The following SGCZ variants were observed in gnomAD, a reference collection of about 807,000 sequenced individuals.
SGCZ encodes the protein zeta-sarcoglycan.
In SGCZ, 40 loss-of-function variants were observed where a neutral mutation model predicts 41.3. That is an observed-to-expected ratio of 0.97 (90% CI 0.75 to 1.26). The LOEUF (loss-of-function observed/expected upper bound fraction) is 1.26, where lower values mean the gene tolerates loss of function less well. SGCZ is among the 50% of genes most tolerant of loss of function. The pLI is 0.00. For synonymous variants in SGCZ, 206 were observed against 137.5 expected, an observed-to-expected ratio of 1.50 and a Z score of -3.49; for missense variants, 552 against 369.8, an observed-to-expected ratio of 1.49 and a Z score of -4.04.
intron 2 of SGCZ, among the ~76,000 whole-genome samples, chr8:14,491,345 T>A (rs962446967): frequency 6.8e-6 from 1 of 146,290 alleles, no homozygotes; most frequent in Non-Finnish European, 1.5e-5. Flanking sequence ...ACATCACACA[T>A]CAGGGATCTC....
At chr8:14,874,197 GTT>G (rs1174575882) in intron 1 of SGCZ, among the ~76,000 whole-genome samples, 1 of 152,092 alleles carries the variant, frequency 6.6e-6, no homozygotes, top group African/African-American at 2.4e-5. Flanking sequence ...GGACTACTTA[GTT>G]CTCTCTGGAA....
At chr8:14,765,043 G>A (rs1016316233) in intron 1 of SGCZ, among the ~76,000 whole-genome samples, 5 of 152,096 alleles carry the variant, frequency 3.3e-5, no homozygotes, top group Admixed American at 2.0e-4. Context: ...TATGTAAAAT[G>A]CCTAGAAATA....
At chr8:14,956,403 T>G (rs144839295) in intron 1 of SGCZ, among the ~76,000 whole-genome samples, 41 of 152,276 alleles carry the variant, frequency 2.7e-4, no homozygotes, top group African/African-American at 9.4e-4. Context: ...CCCAATAATC[T>G]GCAATCTCAG....
intron 1 of SGCZ, among the ~76,000 whole-genome samples, chr8:15,042,655 C>A (rs1014912726): frequency 6.6e-6 from 1 of 152,178 alleles, no homozygotes; most frequent in Admixed American, 6.5e-5. Flanking sequence ...ACTATACATT[C>A]TGCCATCTAA....
chr8:14,734,670 A>G (rs2130252847), intron 1 of SGCZ, among the ~76,000 whole-genome samples: 1 of 152,302 alleles, frequency 6.6e-6, no homozygotes, highest in South Asian at 2.1e-4. Context: ...TGCTGTGTCT[A>G]TATCACCACC....
At chr8:14,492,609 C>T (rs757130545) in intron 2 of SGCZ, among the ~76,000 whole-genome samples, 1 of 152,174 alleles carries the variant, frequency 6.6e-6, no homozygotes, top group Non-Finnish European at 1.5e-5. Flanking sequence ...TCTCTATCTG[C>T]TCAAATTTCT....
In SGCZ at chr8:14,692,297, C is replaced by A. The variant is rs114551243; in HGVS notation, c.40-137371G>T. ...ATTGTCAAATGAGCCAAGAGAGAAGCATAATTATAGATATTGTTTAGGAAG... is the reference window on the plus strand; with the variant it reads ...ATTGTCAAATGAGCCAAGAGAGAAGAATAATTATAGATATTGTTTAGGAAG... On this transcript the variant is annotated intron_variant, in intron 1 of 7. Transcript: ENST00000382080. 2.1e-3 allele frequency among the ~76,000 whole-genome samples: 325 copies of A among 151,894 alleles called. 1 individual carries two copies. Among genetic ancestry groups the A allele is most frequent in the Middle Eastern group, 6.8e-3 (2 of 294 alleles).
At chr8:14,806,240 C>A (rs1801522535) in intron 1 of SGCZ, among the ~76,000 whole-genome samples, 1 of 151,070 alleles carries the variant, frequency 6.6e-6, no homozygotes, top group African/African-American at 2.5e-5. Context: ...CAGAGCAGAA[C>A]TGAAGGAAAT....
At chr8:14,801,649 T>C (rs769475953) in intron 1 of SGCZ, among the ~76,000 whole-genome samples, 1 of 152,178 alleles carries the variant, frequency 6.6e-6, no homozygotes, top group African/African-American at 2.4e-5. Context: ...GAAATTATTA[T>C]AGACTTGCAT....
intron 2 of SGCZ, among the ~76,000 whole-genome samples, chr8:14,419,247 A>G (rs1055038723): frequency 6.6e-6 from 1 of 151,994 alleles, no homozygotes; most frequent in Non-Finnish European, 1.5e-5. Context: ...GGCAACATCC[A>G]TATCTGGGTT....
intron 1 of SGCZ, among the ~76,000 whole-genome samples, chr8:14,742,313 T>A (rs2244348): frequency 6.0e-4 from 91 of 151,832 alleles, no homozygotes; most frequent in East Asian, 2.3e-3. Context: ...GCACGCGCGC[T>A]CACACACACA....
At chr8:14,658,615 G>T (rs567675718) in intron 1 of SGCZ, among the ~76,000 whole-genome samples, 2 of 152,234 alleles carry the variant, frequency 1.3e-5, no homozygotes, top group Admixed American at 6.5e-5. Flanking sequence ...CTTGAGTCCT[G>T]CTCTCTGTCC....
rs1012847362 is a variant in SGCZ, at chr8:15,121,078, C to T, written c.39+116507G>A. Among the ~76,000 whole-genome samples the T allele has an allele frequency of 3.4e-4, 51 of 152,124 alleles. 1 individual carries two copies. Among genetic ancestry groups the T allele is most frequent in the Admixed American group, 3.3e-3 (51 of 15,274 alleles). Reference sequence around the variant, plus strand: ...CTTCTTCATTTTTTCTTTGCGTTGCCACAATGATTTTGTAATGAAAATATA... The same window carrying T: ...CTTCTTCATTTTTTCTTTGCGTTGCTACAATGATTTTGTAATGAAAATATA... On this transcript the variant is annotated intron_variant, in intron 1 of 7. Coordinates refer to ENST00000382080, the MANE Select transcript of SGCZ (RefSeq NM_139167.4).
At chr8:14,181,988 AC>A (rs1804743328) in intron 4 of SGCZ, among the ~76,000 whole-genome samples, 3 of 152,268 alleles carry the variant, frequency 2.0e-5, no homozygotes, top group South Asian at 4.1e-4. Context: ...TTGGTTACAT[AC>A]CTAACCTCAA....
chr8:14,313,313 A>T (rs781509643), intron 3 of SGCZ, among the ~76,000 whole-genome samples: 17 of 152,088 alleles, frequency 1.1e-4, no homozygotes, highest in Non-Finnish European at 2.4e-4. Flanking sequence ...CTGATTTTTT[A>T]AATTAATTAA....
At chr8:15,018,231 T>G (rs560452388) in intron 1 of SGCZ, among the ~76,000 whole-genome samples, 4 of 152,324 alleles carry the variant, frequency 2.6e-5, no homozygotes, top group African/African-American at 9.6e-5. Flanking sequence ...GTTTCTAAAC[T>G]TTCACGATAG....
At chr8:14,145,501 C>A (rs947322122) in intron 5 of SGCZ, among the ~76,000 whole-genome samples, 3 of 152,120 alleles carry the variant, frequency 2.0e-5, no homozygotes, top group African/African-American at 4.8e-5. Flanking sequence ...GAGACTCTAA[C>A]AAATACCTAA....
chr8:14,121,536 T>C (rs982311215), intron 5 of SGCZ, among the ~76,000 whole-genome samples: 31 of 152,178 alleles, frequency 2.0e-4, no homozygotes, highest in African/African-American at 7.5e-4. Flanking sequence ...CAGGGTTTTT[T>C]TGGTATTGCC....
intron 2 of SGCZ, among the ~76,000 whole-genome samples, chr8:14,549,504 C>G (rs2665613): frequency 0.058 from 8,809 of 151,984 alleles, 832 homozygotes; most frequent in African/African-American, 0.2. Flanking sequence ...TGAAAGTGAA[C>G]CTACACTTTT....
Sources: allele counts gnomAD v4.1 joint callset (sites outside exome capture counted in the v4.1 genomes callset), GRCh38; gene constraint gnomAD v4.1.1; transcripts MANE v1.5; gene names NCBI Gene and HGNC (gene_info 2026-07-23, HGNC 2026-07-21).